CCDC62: variants seen among roughly 807,000 people sequenced by gnomAD.
CCDC62 encodes the protein coiled-coil domain-containing protein 62.
In CCDC62, 72 loss-of-function variants were observed where a neutral mutation model predicts 80.8. That is an observed-to-expected ratio of 0.89 (90% CI 0.74 to 1.08). The LOEUF is 1.08. CCDC62 is among the 50% of genes least tolerant of loss of function. The pLI is 0.00. For synonymous variants in CCDC62, 286 were observed against 296.5 expected, an observed-to-expected ratio of 0.96 and a Z score of 0.36; for missense variants, 704 against 809.4, an observed-to-expected ratio of 0.87 and a Z score of 1.58.
chr12:122,774,573 C>T lies in CCDC62; in HGVS notation c.-98C>T. The T allele has an allele frequency of 2.1e-6, 2 of 947,060 alleles. No individual in the cohort carries two copies. The highest frequency in any genetic ancestry group is 2.8e-6 in the Non-Finnish European group (2 of 725,930). The allele number at this position is 947,060 out of a possible 1,614,324, so 58.7% of individuals were successfully genotyped here. On this transcript the variant is annotated 5_prime_UTR_variant, in exon 1 of 13. Transcript: ENST00000253079. Reference sequence around the variant, plus strand: ...CGGCCGAGGGCGCGGGGCCCCGGGGCTCCGGGCTCGCCCCCGCCGCTCGGG... The same window carrying T: ...CGGCCGAGGGCGCGGGGCCCCGGGGTTCCGGGCTCGCCCCCGCCGCTCGGG...
chr12:122,776,767 AT>A (rs1487035317), intron 1 of CCDC62: 2 of 151,362 alleles, frequency 1.3e-5, no homozygotes, highest in Non-Finnish European at 2.9e-5. Flanking sequence ...AGTAAGGATC[AT>A]TTACATTTAA....
At chr12:122,786,831 G>T (rs1039558961) in intron 4 of CCDC62, among the ~76,000 whole-genome samples, 1 of 151,998 alleles carries the variant, frequency 6.6e-6, no homozygotes, top group African/African-American at 2.4e-5. Flanking sequence ...GAGGTGGCGG[G>T]CGCCTGTAGT....
At chr12:122,814,569 C>T (rs1488675567) in intron 11 of CCDC62, among the ~76,000 whole-genome samples, 1 of 147,004 alleles carries the variant, frequency 6.8e-6, no homozygotes, top group East Asian at 2.1e-4. Flanking sequence ...TGCAATGGCA[C>T]GATCTCAGCT....
intron 8 of CCDC62, among the ~76,000 whole-genome samples, chr12:122,798,569 C>T (rs2031105578): frequency 2.0e-5 from 3 of 152,108 alleles, no homozygotes; most frequent in African/African-American, 7.2e-5. Context: ...CGCCACTGCA[C>T]TCCAGCCTGG....
chr12:122,824,633 C>A (rs1253046390), intron 12 of CCDC62, among the ~76,000 whole-genome samples: 2 of 139,362 alleles, frequency 1.4e-5, no homozygotes, highest in African/African-American at 5.1e-5. Context: ...AAAAGTAGAA[C>A]TCCGATTTGA....
chr12:122,781,337 A>G lies in CCDC62; in HGVS notation c.396+7A>G. Reference sequence around the variant, plus strand: ...TCTCTCTGAAGACCTTGAGGTTGGGATTAGTTTTTGATAAGCTTCACTAGT... The same window carrying G: ...TCTCTCTGAAGACCTTGAGGTTGGGGTTAGTTTTTGATAAGCTTCACTAGT... On this transcript the variant is annotated splice_region_variant and intron_variant, in intron 3 of 12. Transcript: ENST00000253079. 6.2e-7 allele frequency: 1 copy of G among 1,611,490 alleles called. No homozygotes were observed. The highest frequency in any genetic ancestry group is 1.3e-5 in the African/African-American group (1 of 74,816).
At chr12:122,803,991 T>A (rs1352687990) in intron 9 of CCDC62, among the ~76,000 whole-genome samples, 1 of 152,222 alleles carries the variant, frequency 6.6e-6, no homozygotes, top group Non-Finnish European at 1.5e-5. Flanking sequence ...CAGAGACGGA[T>A]GCCAAGATAT....
intron 7 of CCDC62, 147 bp downstream of exon 7, chr12:122,797,542 A>G: frequency 2.2e-6 from 1 of 459,452 alleles, no homozygotes; most frequent in Non-Finnish European, 3.8e-6. Context: ...ATTTATTTTT[A>G]TTATTATTAT....
rs773058739 is a variant in CCDC62, at chr12:122,774,718, T to C, written c.36+12T>C. 1.6e-6 allele frequency: 2 copies of C among 1,251,678 alleles called. No homozygotes were observed. The highest frequency in any genetic ancestry group is 2.0e-6 in the Non-Finnish European group (2 of 989,286). 77.5% of individuals were successfully genotyped at this position (1,251,678 alleles called of 1,614,324 possible). A position where few individuals can be genotyped will look rare whatever the true frequency, so the allele number is the denominator to read the frequency against. On this transcript the variant is annotated intron_variant, in intron 1 of 12. Transcript: ENST00000253079. ...TTGCCGGGCGCCAGGTAAGCAGCGG[T>C]TCCGGGCGCGGCGGGGCGCCGCGGG...
At chr12:122,813,496 G>T in intron 11 of CCDC62, 77 bp downstream of exon 11, 1 of 1,374,634 alleles carries the variant, frequency 7.3e-7, no homozygotes, top group Non-Finnish European at 9.8e-7. Context: ...AAATATCACC[G>T]GCAGGGCGGC....
intron 3 of CCDC62, among the ~76,000 whole-genome samples, chr12:122,783,462 G>A (rs544473487): frequency 2.6e-5 from 4 of 152,132 alleles, no homozygotes; most frequent in East Asian, 1.9e-4. Context: ...TCCTGACCTC[G>A]TGATCTGCCC....
intron 10 of CCDC62, among the ~76,000 whole-genome samples, chr12:122,811,191 TAAAAA>T: frequency 6.9e-6 from 1 of 144,396 alleles, no homozygotes; most frequent in Non-Finnish European, 1.5e-5. Context: ...AATAAATAAA[TAAAAA>T]GAAATTAAGT....
At chr12:122,786,833 G>T (rs111437967) in intron 4 of CCDC62, among the ~76,000 whole-genome samples, 9,679 of 152,124 alleles carry the variant, frequency 0.064, 1,069 homozygotes, top group African/African-American at 0.22. Flanking sequence ...GGTGGCGGGC[G>T]CCTGTAGTCC....
chr12:122,803,323 G>C (rs987956556), intron 9 of CCDC62, among the ~76,000 whole-genome samples: 4 of 152,138 alleles, frequency 2.6e-5, no homozygotes, highest in African/African-American at 9.7e-5. Context: ...TATTTAACAA[G>C]CTGGTAAGTT....
rs374339569 is a variant in CCDC62 at position 122,820,119 on chromosome 12, T to C, written c.2002-3247T>C. ...AAAAGAAAGAGGATGGAAATAAGAA[T>C]ATATATTTGCACAAAGACACAGTGG... On this transcript the variant is annotated intron_variant, in intron 11 of 12. Transcript: ENST00000253079. 2.4e-4 allele frequency among the ~76,000 whole-genome samples: 30 copies of C among 124,148 alleles called. 1 individual carries two copies. In the South Asian group the frequency reaches 5.5e-3, roughly 23 times the overall value. 81.4% of individuals were successfully genotyped at this position (124,148 alleles called of 152,430 possible). A position where few individuals can be genotyped will look rare whatever the true frequency, so the allele number is the denominator to read the frequency against.
Position 122,803,879 on chromosome 12 carries a change from T to A in CCDC62, c.1706+2027T>A, listed in dbSNP as rs534237640. Among the ~76,000 whole-genome samples the A allele has an allele frequency of 1.6e-4, 24 of 152,306 alleles. No homozygotes were observed. In the South Asian group the frequency reaches 3.3e-3, roughly 21 times the overall value. On this transcript the variant is annotated intron_variant, in intron 9 of 12. Transcript: ENST00000253079. ...AGTTTTAAGAGCATAGAGGATTAAA[T>A]TTAACGTATGAAATAAGTTCAGATT...
At chr12:122,779,434 A>C (rs1160886865) in intron 2 of CCDC62, among the ~76,000 whole-genome samples, 2 of 152,152 alleles carry the variant, frequency 1.3e-5, no homozygotes, top group African/African-American at 2.4e-5. Context: ...CTCACCCTTT[A>C]ATAGACACAT....
intron 10 of CCDC62, among the ~76,000 whole-genome samples, chr12:122,807,281 C>T (rs1306402373): frequency 6.6e-6 from 1 of 152,074 alleles, no homozygotes; most frequent in Non-Finnish European, 1.5e-5. Flanking sequence ...CCTGTAATCC[C>T]AGCACTTTGG....
At chr12:122,793,176 C>T (rs2030734282) in intron 6 of CCDC62, among the ~76,000 whole-genome samples, 1 of 152,104 alleles carries the variant, frequency 6.6e-6, no homozygotes, top group African/African-American at 2.4e-5. Flanking sequence ...TTGAATATAT[C>T]ATGTAATTTA....
Sources: allele counts gnomAD v4.1 joint callset (sites outside exome capture counted in the v4.1 genomes callset), GRCh38; gene constraint gnomAD v4.1.1; transcripts MANE v1.5; gene names NCBI Gene and HGNC (gene_info 2026-07-23, HGNC 2026-07-21).